DCAF12: variants seen among roughly 807,000 people sequenced by gnomAD.
The protein encoded by DCAF12 is DDB1 and CUL4 associated factor 12, also known as DDB1- and CUL4-associated factor 12.
A neutral mutation model predicts 52.8 loss-of-function variants in DCAF12; 28 were observed. That is an observed-to-expected ratio of 0.53 (90% CI 0.39 to 0.73). DCAF12 has a LOEUF of 0.73. Ranked by LOEUF, DCAF12 falls within the 30% of genes least tolerant of loss-of-function variation. The probability of loss-of-function intolerance (pLI) is 0.00; values close to 1 mark genes in which losing one functional copy is unlikely to be tolerated. For synonymous variants in DCAF12, 196 were observed against 215.5 expected (o/e 0.91, Z 0.79); for missense variants, 425 against 552.2 (o/e 0.77, Z 2.31).
Position 34,126,696 on chromosome 9 carries a change from A to C in DCAF12, c.-265T>G. The C allele has an allele frequency of 1.8e-6, 1 of 550,336 alleles. No individual in the cohort carries two copies. The highest frequency in any genetic ancestry group is 3.4e-5 in the Admixed American group (1 of 29,238). 34.1% of individuals were successfully genotyped at this position (550,336 alleles called of 1,614,324 possible). A position where few individuals can be genotyped will look rare whatever the true frequency, so the allele number is the denominator to read the frequency against. On this transcript the variant is annotated 5_prime_UTR_variant, in exon 1 of 9. Coordinates refer to ENST00000361264, the MANE Select transcript of DCAF12 (RefSeq NM_015397.4). ...GCCTGCAAGGACGGCGAGCGGCTAG[A>C]ACCAAAACACCCCCTCCCCCTTGCT...
intron 4 of DCAF12, among the ~76,000 whole-genome samples, chr9:34,101,927 G>A (rs1828835406): frequency 6.6e-6 from 1 of 151,586 alleles, no homozygotes. Flanking sequence ...GAGCTGGGAG[G>A]ATAGCTTGAG....
chr9:34,109,783 AC>A, intron 2 of DCAF12: 2 of 339,640 alleles, frequency 5.9e-6, no homozygotes, highest in South Asian at 2.8e-5. Context: ...CAGTGCAGAC[AC>A]CAGGTGGCTC....
chr9:34,091,408 A>T (rs896251717), intron 7 of DCAF12, among the ~76,000 whole-genome samples: 4 of 151,948 alleles, frequency 2.6e-5, no homozygotes, highest in African/African-American at 7.3e-5. Flanking sequence ...ACACTTTGGG[A>T]GGCTGAGGTG....
chr9:34,109,337 T>C (rs1001357820), intron 2 of DCAF12: 6 of 198,566 alleles, frequency 3.0e-5, no homozygotes, highest in Admixed American at 4.7e-5. Flanking sequence ...AAAATGGCTG[T>C]GAACTGTACG....
At chr9:34,125,473 C>G in intron 1 of DCAF12, 196 bp from the exon 2 acceptor site, 4 of 663,530 alleles carry the variant, frequency 6.0e-6, no homozygotes, top group Non-Finnish European at 8.0e-6. Flanking sequence ...TGCTCACAGT[C>G]AAACTTACCA....
At chr9:34,118,132 T>G (rs1265041422) in intron 2 of DCAF12, among the ~76,000 whole-genome samples, 1 of 151,792 alleles carries the variant, frequency 6.6e-6, no homozygotes, top group Non-Finnish European at 1.5e-5. Context: ...ATTTCTTTTG[T>G]TTTTTTTCCA....
At chr9:34,103,400 C>A in intron 4 of DCAF12, among the ~76,000 whole-genome samples, 1 of 138,264 alleles carries the variant, frequency 7.2e-6, no homozygotes, top group Non-Finnish European at 1.6e-5. Context: ...AGGAGGACTC[C>A]ATCTCAAAAA....
At position 34,094,092 on chromosome 9, in the gene DCAF12, C is replaced by G. The variant is rs1189400757; in HGVS notation, c.862-644G>C. ...ATTCCTGGAACCCTGCTTCCTCTTGCAAAGTCCTCAAGGATAAGAAGAAGA... is the reference window on the plus strand; with the variant it reads ...ATTCCTGGAACCCTGCTTCCTCTTGGAAAGTCCTCAAGGATAAGAAGAAGA... On this transcript the variant is annotated intron_variant, in intron 6 of 8. Coordinates refer to ENST00000361264, the MANE Select transcript of DCAF12 (RefSeq NM_015397.4). 3.2e-4 allele frequency among the ~76,000 whole-genome samples: 48 copies of G among 152,134 alleles called. 2 individuals are homozygous for G. The highest frequency in any genetic ancestry group is 3.1e-3 in the Admixed American group (48 of 15,240).
chr9:34,117,457 C>G (rs1829105855), intron 2 of DCAF12, among the ~76,000 whole-genome samples: 1 of 151,998 alleles, frequency 6.6e-6, no homozygotes, highest in Non-Finnish European at 1.5e-5. Context: ...GCCTCTAATC[C>G]TTGATTTTGG....
At chr9:34,122,558 C>A (rs1829191661) in intron 2 of DCAF12, among the ~76,000 whole-genome samples, 1 of 148,008 alleles carries the variant, frequency 6.8e-6, no homozygotes, top group Non-Finnish European at 1.5e-5. Context: ...CTCACTACAA[C>A]CTCCGCCTCC....
At chr9:34,097,609 C>A (rs2131428967) in intron 5 of DCAF12, among the ~76,000 whole-genome samples, 1 of 151,816 alleles carries the variant, frequency 6.6e-6, no homozygotes, top group South Asian at 2.1e-4. Context: ...TAAGGTAAGA[C>A]TTAGTGGAAA....
In DCAF12 at chr9:34,089,479, G is replaced by T; in HGVS notation, c.1136C>A (p.Ala379Asp). 6.2e-7 allele frequency: 1 copy of T among 1,614,138 alleles called. No individual in the cohort carries two copies. The highest frequency in any genetic ancestry group is 8.5e-7 in the Non-Finnish European group (1 of 1,180,024). ...TAGTCTGGGCTTGGACCCATAACAA[G>T]CTGAGAGCCTCTCTTCCAGAAATCT... Reference protein sequence around the residue: ...AQRFLEERLSACYGSKPRLAG... With the variant: ...AQRFLEERLSDCYGSKPRLAG... Residue 379 changes from alanine (A) to aspartate (D), a missense_variant, in exon 8 of 9, where the codon GCT becomes GAT. Transcript: ENST00000361264.
intron 2 of DCAF12, among the ~76,000 whole-genome samples, chr9:34,115,101 C>G (rs979415589): frequency 6.6e-6 from 1 of 152,068 alleles, no homozygotes; most frequent in Non-Finnish European, 1.5e-5. Flanking sequence ...GACAACAAGA[C>G]ACACTATGTT....
chr9:34,120,669 C>CAAAAAAAA (rs71506167), intron 2 of DCAF12, among the ~76,000 whole-genome samples: 2 of 117,120 alleles, frequency 1.7e-5, no homozygotes, highest in Non-Finnish European at 3.5e-5. Flanking sequence ...GACGCGGTCT[C>CAAAAAAAA]AAAAAAAAAA....
intron 1 of DCAF12, among the ~76,000 whole-genome samples, chr9:34,126,006 A>G (rs1209719686): frequency 6.6e-6 from 1 of 152,104 alleles, no homozygotes; most frequent in African/African-American, 2.4e-5. Context: ...CCTAGGGCCC[A>G]TGGAAGGTAG....
chr9:34,110,934 T>C (rs1828992300), intron 2 of DCAF12, among the ~76,000 whole-genome samples: 1 of 152,118 alleles, frequency 6.6e-6, no homozygotes, highest in African/African-American at 2.4e-5. Context: ...ATTATTTTGT[T>C]TCATGCTCAT....
intron 4 of DCAF12, among the ~76,000 whole-genome samples, chr9:34,105,726 T>TA (rs1011952996): frequency 2.6e-5 from 4 of 151,524 alleles, no homozygotes; most frequent in African/African-American, 9.7e-5. Flanking sequence ...CTTCCTTTTT[T>TA]ATCTATCTAT....
At chr9:34,120,722 T>C (rs10971938) in intron 2 of DCAF12, among the ~76,000 whole-genome samples, 13,557 of 150,370 alleles carry the variant, frequency 0.09, 882 homozygotes, top group Non-Finnish European at 0.13. Flanking sequence ...TGGGTTAGCC[T>C]GATACTCTCA....
chr9:34,095,813 A>G (rs1828726735), intron 6 of DCAF12: 1 of 152,184 alleles, frequency 6.6e-6, no homozygotes, highest in Admixed American at 6.6e-5. Context: ...TCAATTGCCA[A>G]AGGTTCCTAA....
Sources: allele counts gnomAD v4.1 joint callset (sites outside exome capture counted in the v4.1 genomes callset), GRCh38; gene constraint gnomAD v4.1.1; transcripts MANE v1.5; gene names NCBI Gene and HGNC (gene_info 2026-07-23, HGNC 2026-07-21).